The following ALOXE3 variants were observed in gnomAD, a reference collection of about 807,000 sequenced individuals.
ALOXE3 encodes arachidonate epidermal lipoxygenase 3, also known as hydroperoxide isomerase ALOXE3.
Under a neutral mutation model 87.5 loss-of-function variants are expected in ALOXE3, and 78 were observed. That is an observed-to-expected ratio of 0.89 (90% CI 0.74 to 1.08). The LOEUF is 1.08. ALOXE3 is among the 50% of genes least tolerant of loss of function. The probability of loss-of-function intolerance (pLI) is 0.00; values close to 1 mark genes in which losing one functional copy is unlikely to be tolerated. For missense variants in ALOXE3, 946 were observed against 912.4 expected (o/e 1.04, Z -0.47); for synonymous variants, 363 against 370.8 (o/e 0.98, Z 0.24).
In ALOXE3 at chr17:8,102,600, C is replaced by A. The variant is rs185614214; in HGVS notation, c.1956+723G>T. On this transcript the variant is annotated intron_variant, in intron 15 of 15. Transcript: ENST00000448843. ...TCTGCTATTTCCATTTGTGATCCTA[C>A]AAACACACCAGTGATTTCTCGCCTT... Among the ~76,000 whole-genome samples the A allele has an allele frequency of 1.1e-4, 16 of 152,342 alleles. No homozygotes were observed. The East Asian group carries it at 3.1e-3, about 29-fold the overall frequency.
chr17:8,118,376 CG>C lies in ALOXE3; in HGVS notation c.-313-74del. ...CCTGTATAATTGGGACACTGCCCTC[CG>C]CCTGGTCAGCGGCCCGGACTGATGC... On this transcript the variant is annotated intron_variant, in intron 1 of 15. Coordinates refer to ENST00000448843, the MANE Select transcript of ALOXE3 (RefSeq NM_021628.3). The C allele has an allele frequency of 5.2e-6, 8 of 1,551,446 alleles. No homozygotes were observed. In the South Asian group the frequency reaches 9.5e-5, roughly 18 times the overall value.
intron 6 of ALOXE3, 34 bp downstream of exon 6, chr17:8,114,450 T>C (rs1232656529): frequency 6.2e-7 from 1 of 1,612,660 alleles, no homozygotes; most frequent in Non-Finnish European, 8.5e-7. Flanking sequence ...TGGGCAGAGA[T>C]GTAAGATGTT....
chr17:8,103,940 C>T (rs1228656721), intron 14 of ALOXE3, among the ~76,000 whole-genome samples, 175 bp downstream of exon 14: 1 of 152,168 alleles, frequency 6.6e-6, no homozygotes, highest in African/African-American at 2.4e-5. Flanking sequence ...TTGGACCCAG[C>T]TCCACCCAGT....
chr17:8,100,442 T>C (rs765585842), intron 15 of ALOXE3, among the ~76,000 whole-genome samples: 5 of 152,178 alleles, frequency 3.3e-5, no homozygotes, highest in Admixed American at 6.5e-5. Flanking sequence ...TGTTTCACCC[T>C]AGCCAGTACC....
rs781752300 is a variant in ALOXE3 at position 8,112,588 on chromosome 17, C to G, written c.681-392G>C. Among the ~76,000 whole-genome samples the G allele has an allele frequency of 1.5e-4, 23 of 152,258 alleles. No individual in the cohort carries two copies. In the South Asian group the frequency reaches 4.6e-3, roughly 30 times the overall value. ...ACTAGCCCATGGAGATCCCCACCAG[C>G]CAGCTTCTACCAACCTTTCCAGTAT... On this transcript the variant is annotated intron_variant, in intron 6 of 15. Coordinates refer to ENST00000448843, the MANE Select transcript of ALOXE3 (RefSeq NM_021628.3).
Position 8,112,213 on chromosome 17 carries a change from A to C in ALOXE3, c.681-17T>G. ...CCCAAGGACCTGATGGGAGAGGAAA[A>C]GATGAGGGTGAGGTCTGGGGGCTAG... On this transcript the variant is annotated splice_polypyrimidine_tract_variant and intron_variant, in intron 6 of 15. Transcript: ENST00000448843. The C allele has an allele frequency of 6.3e-7, 1 of 1,598,176 alleles. No individual in the cohort carries two copies. The highest frequency in any genetic ancestry group is 8.6e-7 in the Non-Finnish European group (1 of 1,165,572).
chr17:8,118,697 T>C, upstream of ALOXE3: 1 of 1,537,274 alleles, frequency 6.5e-7, no homozygotes, highest in South Asian at 1.2e-5. Flanking sequence ...ACGCCCGACC[T>C]CATTCTCTGC....
chr17:8,111,283 C>A, intron 8 of ALOXE3, 76 bp downstream of exon 8: 1 of 1,574,886 alleles, frequency 6.3e-7, no homozygotes. Context: ...CCATACCCTC[C>A]ACACACATCC....
rs374867848 is a variant in ALOXE3, at chr17:8,109,203, G to A, written c.1533C>T (p.Asp511=). The change falls in exon 12 of 16, where the codon GAC becomes GAT. Residue 511 remains aspartate, a synonymous_variant. Transcript: ENST00000448843. ...CAATGGCCGCCCAGATCTTCAGGCC[G>A]TCGTCTCGGTAGTGGTAGTTGGGGA... ...LAIPNYHYRD[D]GLKIWAAIES... The A allele has an allele frequency of 1.7e-5, 27 of 1,613,716 alleles. No homozygotes were observed. Among genetic ancestry groups the A allele is most frequent in the East Asian group, 2.2e-5 (1 of 44,894 alleles).
At chr17:8,097,377 AT>A (rs1268837391) in intron 15 of ALOXE3, among the ~76,000 whole-genome samples, 12 of 152,180 alleles carry the variant, frequency 7.9e-5, no homozygotes, top group African/African-American at 2.9e-4. Context: ...TACAACCGAG[AT>A]CAAAGTAAAC....
At chr17:8,102,461 C>A (rs955905409) in intron 15 of ALOXE3, among the ~76,000 whole-genome samples, 1 of 152,110 alleles carries the variant, frequency 6.6e-6, no homozygotes, top group Non-Finnish European at 1.5e-5. Context: ...CCATTGCACT[C>A]CAGCCTGGGT....
At position 8,109,170 on chromosome 17, in the gene ALOXE3, G is replaced by GCACCTCT. The variant is rs552323537; in HGVS notation, c.1559_1562+3dup. The GCACCTCT allele has an allele frequency of 1.9e-4, 301 of 1,612,922 alleles. No individual in the cohort carries two copies. In the East Asian group the frequency reaches 5.6e-3, roughly 30 times the overall value. ...GACTGCTGGTCCCGCCCCGCACCTCGCACCTCTCAATGGCCGCCCAGATCT... is the reference window on the plus strand; with the variant it reads ...GACTGCTGGTCCCGCCCCGCACCTCGCACCTCTCACCTCTCAATGGCCGCCCAGATCT... On this transcript the variant is annotated splice_donor_region_variant and intron_variant, in intron 12 of 15. Transcript: ENST00000448843.
chr17:8,105,784 G>A (rs72845585), intron 13 of ALOXE3, among the ~76,000 whole-genome samples: 14 of 151,978 alleles, frequency 9.2e-5, no homozygotes, highest in Admixed American at 2.6e-4. Flanking sequence ...ATGTGGTGGT[G>A]CATGCCTGTA....
intron 2 of ALOXE3, among the ~76,000 whole-genome samples, chr17:8,117,421 AAAAAG>A (rs920072343): frequency 6.6e-6 from 1 of 152,228 alleles, no homozygotes; most frequent in African/African-American, 2.4e-5. Context: ...ACTCCATCTC[AAAAAG>A]AAAAGAAAAA....
At chr17:8,098,486 T>C (rs936566395) in intron 15 of ALOXE3, among the ~76,000 whole-genome samples, 7 of 151,656 alleles carry the variant, frequency 4.6e-5, no homozygotes, top group African/African-American at 1.7e-4. Context: ...GTGATCCACC[T>C]GCCTCAGCCT....
At chr17:8,109,608 G>A (rs1979834744) in intron 11 of ALOXE3, among the ~76,000 whole-genome samples, 1 of 151,898 alleles carries the variant, frequency 6.6e-6, no homozygotes, top group African/African-American at 2.4e-5. Flanking sequence ...AGGGTCAGCT[G>A]AGGGTAGTGC....
At chr17:8,115,474 G>A in intron 4 of ALOXE3, 133 bp downstream of exon 4, 1 of 904,172 alleles carries the variant, frequency 1.1e-6, no homozygotes, top group East Asian at 2.6e-5. Flanking sequence ...TTAAAGTGGG[G>A]TTAGGTCCAA....
At chr17:8,108,156 T>C (rs997802937) in intron 13 of ALOXE3, among the ~76,000 whole-genome samples, 33 of 152,036 alleles carry the variant, frequency 2.2e-4, no homozygotes, top group African/African-American at 7.7e-4. Flanking sequence ...AAGTCAGAGA[T>C]GGCTCCCACT....
Position 8,096,792 on chromosome 17 carries a change from G to A in ALOXE3, c.1971C>T (p.Thr657=). The change falls in exon 16 of 16, where the codon ACC becomes ACT. Residue 657 remains threonine (T), a synonymous_variant. Transcript: ENST00000448843. ...QEPKDQRPLG[T]YPDEHFTEEA... ...CCTCTGTGAAGTGCTCATCTGGGTA[G>A]GTGCCCAGGGGCCTCTGGGAGGACA... The A allele has an allele frequency of 1.2e-6, 2 of 1,614,172 alleles. No individual in the cohort carries two copies. The highest frequency in any genetic ancestry group is 1.7e-6 in the Non-Finnish European group (2 of 1,180,040).
Sources: allele counts gnomAD v4.1 joint callset (sites outside exome capture counted in the v4.1 genomes callset), GRCh38; gene constraint gnomAD v4.1.1; transcripts MANE v1.5; gene names NCBI Gene and HGNC (gene_info 2026-07-23, HGNC 2026-07-21).